The following CRIM1 variants were observed in gnomAD, a reference collection of about 807,000 sequenced individuals.
CRIM1 encodes the protein cysteine-rich motor neuron 1 protein.
CRIM1 carries 32 observed loss-of-function variants against 116.4 expected under a neutral mutation model. That is an observed-to-expected ratio of 0.27 (90% CI 0.21 to 0.37). The LOEUF is 0.37. Among genes scored for constraint, CRIM1 ranks in the 10% least tolerant of loss-of-function variants. CRIM1 has a pLI of 1.00. For synonymous variants in CRIM1, 590 were observed against 509.2 expected (o/e 1.16, Z -2.13); for missense variants, 1,331 against 1,354.8 (o/e 0.98, Z 0.28).
In CRIM1 at chr2:36,356,499, G is replaced by A. The variant is rs374193684; in HGVS notation, c.207G>A (p.Gln69=). Residue 69 remains glutamine, a synonymous_variant, in exon 1 of 17, where the codon CAG becomes CAA. Coordinates refer to ENST00000280527, the MANE Select transcript of CRIM1 (RefSeq NM_016441.3). The surrounding 1 kb of genome is among the most constrained non-coding windows in gnomAD (Gnocchi z 4.3). The part of the protein sequence containing the change: ...VCGCCYTCAS[Q]RNESCGGTFG... Reference sequence around the variant, plus strand: ...GCTGCTGCTACACGTGCGCCAGCCAGAGGAACGAGAGCTGCGGCGGCACCT... The same window carrying A: ...GCTGCTGCTACACGTGCGCCAGCCAAAGGAACGAGAGCTGCGGCGGCACCT... 2.5e-6 allele frequency: 4 copies of A among 1,612,890 alleles called. 1 individual carries two copies. In the Middle Eastern group the frequency reaches 6.6e-4, roughly 266 times the overall value.
chr2:36,464,417 G>A (rs930849638), intron 4 of CRIM1, 117 bp from the exon 5 acceptor site: 8 of 994,938 alleles, frequency 8.0e-6, no homozygotes, highest in Non-Finnish European at 9.3e-6. Flanking sequence ...AGATAAAGGA[G>A]GCAGTGTCGT....
chr2:36,444,830 G>T (rs1179015262), intron 4 of CRIM1, among the ~76,000 whole-genome samples: 1 of 152,132 alleles, frequency 6.6e-6, no homozygotes, highest in East Asian at 1.9e-4. Flanking sequence ...ACTCCCTTCT[G>T]CATACATATA....
intron 11 of CRIM1, 115 bp from the exon 12 acceptor site, chr2:36,517,212 C>T (rs565452550): frequency 4.4e-5 from 33 of 746,022 alleles, no homozygotes; most frequent in East Asian, 1.6e-4. Flanking sequence ...AAGAATAGAG[C>T]GAGATGCTCT....
chr2:36,535,807 A>T (rs1487402075), intron 13 of CRIM1, among the ~76,000 whole-genome samples: 1 of 152,230 alleles, frequency 6.6e-6, no homozygotes, highest in African/African-American at 2.4e-5. Flanking sequence ...AAATATTTTT[A>T]AAAACATACA....
intron 5 of CRIM1, among the ~76,000 whole-genome samples, chr2:36,467,243 G>A (rs6754314): frequency 6.6e-6 from 1 of 152,150 alleles, no homozygotes; most frequent in Non-Finnish European, 1.5e-5. Flanking sequence ...GTGGAACTGT[G>A]TCTATTGATA....
intron 7 of CRIM1, among the ~76,000 whole-genome samples, chr2:36,486,324 A>T (rs1679813787): frequency 6.6e-6 from 1 of 152,328 alleles, no homozygotes; most frequent in East Asian, 1.9e-4. Flanking sequence ...GTTTATTCTT[A>T]CTTATACCTA....
chr2:36,509,920 A>G, intron 8 of CRIM1, 63 bp from the exon 9 acceptor site: 1 of 1,455,896 alleles, frequency 6.9e-7, no homozygotes, highest in Non-Finnish European at 9.4e-7. Context: ...ACCGTATTTC[A>G]GCATCGAAGT....
chr2:36,378,573 T>C (rs1670493784), intron 1 of CRIM1: 1 of 350,974 alleles, frequency 2.8e-6, no homozygotes, highest in Non-Finnish European at 5.6e-6. Flanking sequence ...TGAAAGTTTA[T>C]GCTGATGCCA....
At position 36,479,710 on chromosome 2, in the gene CRIM1, G is replaced by C; in HGVS notation, c.1372+16G>C. 6.2e-7 allele frequency: 1 copy of C among 1,610,720 alleles called. No individual in the cohort carries two copies. Among genetic ancestry groups the C allele is most frequent in the African/African-American group, 1.3e-5 (1 of 74,994 alleles). ...GTGTGCGAAGGTAAATCTTGCAGAT[G>C]CTAATGAGTCCCTGGTGAATGTCTT... On this transcript the variant is annotated intron_variant, in intron 7 of 16. Transcript: ENST00000280527.
At position 36,550,000 on chromosome 2, in the gene CRIM1, A is replaced by C; in HGVS notation, c.*1299A>C. On this transcript the variant is annotated 3_prime_UTR_variant, in exon 17 of 17. Transcript: ENST00000280527. ...TTTGAATAACACAAAATCTCATTCT[A>C]CCTGCAGTTTAATTGGAAAGATGTG... 6.6e-6 allele frequency: 1 copy of C among 152,308 alleles called. No homozygotes were observed. 9.4% of individuals were successfully genotyped at this position (152,308 alleles called of 1,614,324 possible). A position where few individuals can be genotyped will look rare whatever the true frequency, so the allele number is the denominator to read the frequency against.
chr2:36,393,764 C>T (rs759034841), intron 1 of CRIM1, among the ~76,000 whole-genome samples: 5 of 152,078 alleles, frequency 3.3e-5, no homozygotes, highest in East Asian at 1.9e-4. Context: ...ACGACACTCC[C>T]GAGTAAAGCA....
At chr2:36,487,185 T>C (rs1175973427) in intron 7 of CRIM1, among the ~76,000 whole-genome samples, 5 of 152,218 alleles carry the variant, frequency 3.3e-5, no homozygotes, top group Non-Finnish European at 7.3e-5. Context: ...CATCTCCTAC[T>C]GTTTGCCTCA....
intron 2 of CRIM1, among the ~76,000 whole-genome samples, chr2:36,436,817 A>G (rs1470144867): frequency 1.3e-5 from 2 of 152,246 alleles, no homozygotes; most frequent in African/African-American, 4.8e-5. Context: ...CAGTAAGACT[A>G]TAAATTAAAA....
At chr2:36,484,467 G>A (rs1679667723) in intron 7 of CRIM1, among the ~76,000 whole-genome samples, 1 of 152,122 alleles carries the variant, frequency 6.6e-6, no homozygotes, top group Non-Finnish European at 1.5e-5. Flanking sequence ...GTATCGGGGA[G>A]GGAAGTTTTG....
intron 2 of CRIM1, among the ~76,000 whole-genome samples, chr2:36,435,238 G>A (rs1023065449): frequency 5.3e-5 from 8 of 152,126 alleles, no homozygotes; most frequent in South Asian, 2.1e-4. Context: ...CTAAATTTCC[G>A]CTATCAAATA....
chr2:36,438,340 A>T (rs898977553), intron 2 of CRIM1, among the ~76,000 whole-genome samples: 2 of 152,228 alleles, frequency 1.3e-5, no homozygotes, highest in African/African-American at 4.8e-5. Context: ...TTTGCAATCA[A>T]AGTCACAAAG....
At position 36,464,464 on chromosome 2, in the gene CRIM1, G is replaced by T. The variant is rs1677838414; in HGVS notation, c.870-70G>T. 2.5e-5 allele frequency: 40 copies of T among 1,578,262 alleles called. 1 individual carries two copies. The South Asian group carries it at 4.1e-4, about 16-fold the overall frequency. ...ACTTTGCCACAGCCACTGCCACTTT[G>T]TTTGTGGTCTCCCGACTTCTATGTT... On this transcript the variant is annotated intron_variant, in intron 4 of 16. Transcript: ENST00000280527.
At chr2:36,390,029 C>G (rs922399396) in intron 1 of CRIM1, among the ~76,000 whole-genome samples, 1 of 152,106 alleles carries the variant, frequency 6.6e-6, no homozygotes, top group Non-Finnish European at 1.5e-5. Flanking sequence ...ATGGAAACTT[C>G]TCTCCAACTA....
chr2:36,432,262 C>G lies in CRIM1; in HGVS notation c.506-8996C>G, dbSNP rs185281268. On this transcript the variant is annotated intron_variant, in intron 2 of 16. Transcript: ENST00000280527. The stretch of plus-strand genomic sequence containing the variant: ...TAAAATTAAACGTTTTGAAACCAGT[C>G]TTTAGTTCTTTGTACATTTATCTAA... 3.1e-4 allele frequency among the ~76,000 whole-genome samples: 47 copies of G among 152,154 alleles called. 1 individual carries two copies. The highest frequency in any genetic ancestry group is 1.0e-3 in the African/African-American group (43 of 41,500).
Sources: gnomAD v4.1 joint callset for allele counts (sites outside exome capture counted in the v4.1 genomes callset) on GRCh38, gnomAD v4.1.1 for gene constraint, Gnocchi (gnomAD v3.1) non-coding constraint, MANE v1.5 for transcripts, NCBI Gene and HGNC (gene_info 2026-07-23, HGNC 2026-07-21) for gene names.